TBL1XR1: variants seen among roughly 807,000 people sequenced by gnomAD.
The protein encoded by TBL1XR1 is TBL1X/Y related 1, also known as F-box-like/WD repeat-containing protein TBL1XR1.
A neutral mutation model predicts 66.9 loss-of-function variants in TBL1XR1; 5 were observed. The ratio of observed to expected loss-of-function variants is 0.07; its 90% CI spans 0.04 to 0.16. TBL1XR1 has a LOEUF of 0.16. Among genes scored for constraint, TBL1XR1 ranks in the 10% least tolerant of loss-of-function variants. The pLI is 1.00. For missense variants in TBL1XR1, 238 were observed against 623.2 expected (o/e 0.38, Z 6.58); for synonymous variants, 210 against 206.0 (o/e 1.02, Z -0.17).
At chr3:177,047,650 A>C in intron 7 of TBL1XR1, 101 bp from the exon 8 acceptor site, 1 of 1,304,574 alleles carries the variant, frequency 7.7e-7, no homozygotes, top group Non-Finnish European at 1.1e-6. Flanking sequence ...AAGAGAATGA[A>C]GACATTCTCT....
chr3:177,039,648 C>T (rs1715297695), intron 10 of TBL1XR1, among the ~76,000 whole-genome samples: 1 of 152,166 alleles, frequency 6.6e-6, no homozygotes, highest in Non-Finnish European at 1.5e-5. Flanking sequence ...TAATTAGCAA[C>T]ACAGATTATG....
chr3:177,034,873 T>C (rs981461640), intron 12 of TBL1XR1, among the ~76,000 whole-genome samples: 1 of 152,058 alleles, frequency 6.6e-6, no homozygotes. Context: ...TATGCCTGTG[T>C]GTATAGATTT....
intron 2 of TBL1XR1, among the ~76,000 whole-genome samples, chr3:177,087,871 A>G (rs1193819927): frequency 1.3e-5 from 2 of 152,182 alleles, no homozygotes; most frequent in East Asian, 3.8e-4. Context: ...CAAATAGTCA[A>G]AATCTAGTAA....
chr3:177,096,690 C>A (rs547250428), intron 2 of TBL1XR1, among the ~76,000 whole-genome samples: 5 of 152,106 alleles, frequency 3.3e-5, no homozygotes, highest in African/African-American at 1.2e-4. Context: ...AGCAGATACT[C>A]CAAATACCAA....
chr3:177,047,534 G>T lies in TBL1XR1; in HGVS notation c.718C>A (p.Leu240Ile), dbSNP rs1413949999. The change falls in exon 8 of 16, where the codon CTA becomes ATA. Residue 240 changes from leucine to isoleucine, a missense_variant. By Grantham distance (5) the Leu-to-Ile change is conservative. This residue lies in a region of TBL1XR1 where 26 missense variants were observed against 103.7 expected (regional missense o/e 0.25). Transcript: ENST00000457928. ...SLDWNSEGTL[L>I]ATGSYDGFAR... ...AACCCATCATAGGAACCAGTTGCTA[G>T]AAGTGTACCTTCACTCTGCCAGAGA... 1 of 1,612,916 alleles carries T rather than the reference G, an allele frequency of 6.2e-7. No homozygotes were observed. Among genetic ancestry groups the T allele is most frequent in the Admixed American group, 1.7e-5 (1 of 59,928 alleles).
intron 1 of TBL1XR1, among the ~76,000 whole-genome samples, chr3:177,195,913 G>C (rs368408097): frequency 1.3e-5 from 2 of 152,124 alleles, no homozygotes; most frequent in East Asian, 3.8e-4. Context: ...CACAGTCCAA[G>C]ATTTCAAGTA....
intron 1 of TBL1XR1, among the ~76,000 whole-genome samples, chr3:177,142,819 AAATT>A (rs574428482): frequency 3.7e-4 from 57 of 152,276 alleles, no homozygotes; most frequent in African/African-American, 1.3e-3. Flanking sequence ...GCTTGCACCA[AAATT>A]AATACTTGCA....
At chr3:177,134,977 GTC>G (rs1728749713) in intron 1 of TBL1XR1, among the ~76,000 whole-genome samples, 1 of 149,980 alleles carries the variant, frequency 6.7e-6, no homozygotes, top group Non-Finnish European at 1.5e-5. Flanking sequence ...CTGTGTGTGT[GTC>G]TGTGTGTGTG....
chr3:177,151,889 T>C (rs1336410895), intron 1 of TBL1XR1, among the ~76,000 whole-genome samples: 1 of 152,076 alleles, frequency 6.6e-6, no homozygotes, highest in Non-Finnish European at 1.5e-5. Flanking sequence ...CCGGGCGTGG[T>C]GGCAGGCACC....
At chr3:177,173,621 A>T (rs1733820896) in intron 1 of TBL1XR1, among the ~76,000 whole-genome samples, 1 of 152,220 alleles carries the variant, frequency 6.6e-6, no homozygotes, top group Non-Finnish European at 1.5e-5. Flanking sequence ...AGAGGAGACT[A>T]AGGAGAAAAC....
intron 1 of TBL1XR1, among the ~76,000 whole-genome samples, chr3:177,108,331 A>G (rs1205742890): frequency 6.6e-6 from 1 of 152,214 alleles, no homozygotes; most frequent in African/African-American, 2.4e-5. Context: ...AATTATAAGT[A>G]TTAAACTTCA....
chr3:177,074,890 A>G (rs1401272697), intron 2 of TBL1XR1, among the ~76,000 whole-genome samples: 1 of 152,252 alleles, frequency 6.6e-6, no homozygotes, highest in Non-Finnish European at 1.5e-5. Flanking sequence ...AAACATGTGA[A>G]GGTGAACACC....
At chr3:177,097,061 A>T (rs1056386476) in intron 2 of TBL1XR1, among the ~76,000 whole-genome samples, 1 of 152,188 alleles carries the variant, frequency 6.6e-6, no homozygotes, top group East Asian at 1.9e-4. Context: ...TCCTATCAAC[A>T]TACTGAAAAA....
At chr3:177,128,487 C>T (rs552479352) in intron 1 of TBL1XR1, among the ~76,000 whole-genome samples, 1 of 152,278 alleles carries the variant, frequency 6.6e-6, no homozygotes, top group African/African-American at 2.4e-5. Context: ...GATCATCTCA[C>T]CTCAGTCCCC....
At chr3:177,165,593 T>C (rs1393718754) in intron 1 of TBL1XR1, among the ~76,000 whole-genome samples, 2 of 152,168 alleles carry the variant, frequency 1.3e-5, no homozygotes, top group Admixed American at 6.5e-5. Flanking sequence ...ATCAAGACAA[T>C]ATGGTATTAG....
intron 1 of TBL1XR1, among the ~76,000 whole-genome samples, chr3:177,123,596 T>C (rs1053381719): frequency 4.6e-5 from 7 of 152,246 alleles, no homozygotes; most frequent in South Asian, 2.1e-4. Context: ...TCTGCTTTAA[T>C]ATTTTACTTT....
At chr3:177,112,143 T>A (rs941796274) in intron 1 of TBL1XR1, among the ~76,000 whole-genome samples, 1 of 134,376 alleles carries the variant, frequency 7.4e-6, no homozygotes, top group East Asian at 2.3e-4. Context: ...GCTCTGACTC[T>A]GTTGCCGAGG....
At chr3:177,153,801 CGGGAGGCGGAGGT>C (rs1731175880) in intron 1 of TBL1XR1, among the ~76,000 whole-genome samples, 4 of 148,662 alleles carry the variant, frequency 2.7e-5, no homozygotes, top group Non-Finnish European at 5.9e-5. Context: ...CACTTGAACC[CGGGAGGCGGAGGT>C]TGCAGTGAGC....
At chr3:177,072,793 G>A (rs143839894) in intron 2 of TBL1XR1, among the ~76,000 whole-genome samples, 1 of 152,258 alleles carries the variant, frequency 6.6e-6, no homozygotes, top group Admixed American at 6.5e-5. Context: ...GCCAGGCGCA[G>A]TGGCTCACGC....
Sources: gnomAD v4.1 joint callset for allele counts (sites outside exome capture counted in the v4.1 genomes callset) on GRCh38, gnomAD v4.1.1 for gene constraint, gnomAD v4.1.1 regional missense constraint, MANE v1.5 for transcripts, NCBI Gene and HGNC (gene_info 2026-07-23, HGNC 2026-07-21) for gene names.